The following MYO1D variants were observed in gnomAD, a reference collection of about 807,000 sequenced individuals.
MYO1D encodes unconventional myosin-Id.
A neutral mutation model predicts 122.0 loss-of-function variants in MYO1D; 83 were observed. The observed-to-expected ratio is 0.68, with a 90% CI of 0.57 to 0.82. The LOEUF is 0.82. Ranked by LOEUF, MYO1D falls within the 40% of genes least tolerant of loss-of-function variation. The probability of loss-of-function intolerance (pLI) is 0.00; values close to 1 mark genes in which losing one functional copy is unlikely to be tolerated. For missense variants in MYO1D, 1,157 were observed against 1,269.5 expected, an observed-to-expected ratio of 0.91 and a Z score of 1.35; for synonymous variants, 464 against 446.9, an observed-to-expected ratio of 1.04 and a Z score of -0.48.
intron 1 of MYO1D, among the ~76,000 whole-genome samples, chr17:32,797,974 T>C (rs564364709): frequency 6.6e-6 from 1 of 152,244 alleles, no homozygotes; most frequent in South Asian, 2.1e-4. Flanking sequence ...GTTGACATCA[T>C]GTGCCCAGTT....
At chr17:32,706,987 C>T (rs973784666) in intron 16 of MYO1D, among the ~76,000 whole-genome samples, 10 of 152,058 alleles carry the variant, frequency 6.6e-5, no homozygotes, top group Admixed American at 2.0e-4. Context: ...TGAGCCACTG[C>T]GCCCAGCCTC....
intron 21 of MYO1D, among the ~76,000 whole-genome samples, chr17:32,531,744 G>A (rs1384835385): frequency 1.3e-5 from 2 of 152,198 alleles, no homozygotes; most frequent in Non-Finnish European, 2.9e-5. Flanking sequence ...TTCAGTGAAG[G>A]CTTGGCTAGA....
chr17:32,686,849 AGAGT>A (rs1043849527), intron 16 of MYO1D, among the ~76,000 whole-genome samples: 3 of 151,956 alleles, frequency 2.0e-5, no homozygotes, highest in African/African-American at 7.3e-5. Context: ...CTGGGTGATA[AGAGT>A]GAGACCCTGT....
At chr17:32,654,430 TA>T (rs754354319) in intron 18 of MYO1D, 46 bp downstream of exon 18, 34 of 1,541,420 alleles carry the variant, frequency 2.2e-5, no homozygotes, top group Non-Finnish European at 1.8e-6. Context: ...TTCTCTTTTT[TA>T]GTAGAGGAAG....
intron 19 of MYO1D, among the ~76,000 whole-genome samples, chr17:32,647,745 G>GCTATC (rs2088317430): frequency 7.3e-6 from 1 of 136,090 alleles, no homozygotes; most frequent in East Asian, 2.2e-4. Context: ...GTCTTTTCTT[G>GCTATC]ATAGTCTGAT....
chr17:32,584,257 A>T (rs532601121), intron 21 of MYO1D, among the ~76,000 whole-genome samples: 1 of 152,272 alleles, frequency 6.6e-6, no homozygotes, highest in African/African-American at 2.4e-5. Flanking sequence ...CAAACTTATT[A>T]TACATGATAC....
intron 21 of MYO1D, among the ~76,000 whole-genome samples, chr17:32,559,984 T>G (rs541278052): frequency 6.6e-6 from 1 of 152,202 alleles, no homozygotes; most frequent in South Asian, 2.1e-4. Flanking sequence ...GTGCCAGGTG[T>G]GGTGGCTCAC....
chr17:32,540,767 A>C (rs1910814198), intron 21 of MYO1D, among the ~76,000 whole-genome samples: 1 of 151,858 alleles, frequency 6.6e-6, no homozygotes, highest in Non-Finnish European at 1.5e-5. Flanking sequence ...CTCTACTAAA[A>C]ATACAAAAAT....
intron 21 of MYO1D, among the ~76,000 whole-genome samples, chr17:32,583,742 CTTTG>C (rs1567898162): frequency 6.7e-6 from 1 of 150,038 alleles, no homozygotes; most frequent in African/African-American, 2.4e-5. Flanking sequence ...TTTGTTTGTT[CTTTG>C]TTTTTTTTTT....
chr17:32,527,279 C>T (rs886785183), intron 21 of MYO1D, among the ~76,000 whole-genome samples: 2 of 152,188 alleles, frequency 1.3e-5, no homozygotes, highest in Admixed American at 6.5e-5. Context: ...CCTGGCGCTG[C>T]CAAACCCACC....
In MYO1D at chr17:32,736,061, C is replaced by CT. The variant is rs76959378; in HGVS notation, c.1746+2191dup. The stretch of plus-strand genomic sequence containing the variant: ...ATATTATTTTGTTCTAAATGCAACT[C>CT]TTTTTTTTTTTTTCTGCTGTCCTCT... On this transcript the variant is annotated intron_variant, in intron 14 of 21. Transcript: ENST00000318217. Among the ~76,000 whole-genome samples the CT allele has an allele frequency of 8.3e-3, 1,174 of 142,180 alleles. 8 individuals carry two copies. Among genetic ancestry groups the CT allele is most frequent in the Middle Eastern group, 0.033 (9 of 274 alleles). The allele number at this position is 142,180 out of a possible 152,430, so 93.3% of individuals were successfully genotyped here.
At chr17:32,793,430 T>A (rs1167143540) in intron 1 of MYO1D, among the ~76,000 whole-genome samples, 2 of 152,032 alleles carry the variant, frequency 1.3e-5, no homozygotes, top group Admixed American at 1.3e-4. Context: ...TCATGGAAGC[T>A]TAGAGAAGGA....
intron 14 of MYO1D, among the ~76,000 whole-genome samples, chr17:32,737,282 G>GA (rs2089714809): frequency 6.6e-6 from 1 of 151,204 alleles, no homozygotes; most frequent in African/African-American, 2.4e-5. Flanking sequence ...TTCTTTAAGG[G>GA]AAAAAACAGA....
intron 1 of MYO1D, among the ~76,000 whole-genome samples, chr17:32,795,414 T>A (rs2090404289): frequency 7.6e-6 from 1 of 131,984 alleles, no homozygotes; most frequent in African/African-American, 3.4e-5. Flanking sequence ...TCTATTTAAA[T>A]TTTTTTTTTT....
intron 3 of MYO1D, among the ~76,000 whole-genome samples, chr17:32,778,211 G>A (rs1175412690): frequency 6.6e-6 from 1 of 152,180 alleles, no homozygotes; most frequent in Non-Finnish European, 1.5e-5. Context: ...CTGTTTCAGA[G>A]TAATGATTCT....
In MYO1D at chr17:32,764,905, G is replaced by A. The variant is rs749952966; in HGVS notation, c.1008C>T (p.Ala336=). 69 of 1,614,064 alleles carry A rather than the reference G, an allele frequency of 4.3e-5. No homozygotes were observed. The Middle Eastern group carries it at 6.6e-4, about 15-fold the overall frequency. The change falls in exon 8 of 22, where the codon GCC becomes GCT. Residue 336 remains alanine, a synonymous_variant. Coordinates refer to ENST00000318217, the MANE Select transcript of MYO1D (RefSeq NM_015194.3). ...TGGCAAAGGCGTCTCTGCCGTAGCTGGCCTCTTGTTCTGTGTGCTGCTTGT... is the reference window on the plus strand; with the variant it reads ...TGGCAAAGGCGTCTCTGCCGTAGCTAGCCTCTTGTTCTGTGTGCTGCTTGT... ...IIDKQHTEQE[A]SYGRDAFAKA...
At chr17:32,577,885 C>T (rs2087293635) in intron 21 of MYO1D, among the ~76,000 whole-genome samples, 1 of 152,094 alleles carries the variant, frequency 6.6e-6, no homozygotes, top group African/African-American at 2.4e-5. Context: ...ACTACAGGCA[C>T]CCGCCACCAC....
chr17:32,850,730 ATAAGGACATACCAAGTTT>A (rs1398012839), intron 1 of MYO1D, among the ~76,000 whole-genome samples: 1 of 152,108 alleles, frequency 6.6e-6, no homozygotes, highest in Non-Finnish European at 1.5e-5. Flanking sequence ...GATACACCAT[ATAAGGACATACCAAGTTT>A]TCTAAAATTT....
rs1178437108 is a variant in MYO1D at position 32,558,759 on chromosome 17, G to GTA, written c.2864+46326_2864+46327dup. Among the ~76,000 whole-genome samples, 4 of 152,296 alleles carry GTA rather than the reference G, an allele frequency of 2.6e-5. No homozygotes were observed. In the East Asian group the frequency reaches 5.8e-4, roughly 22 times the overall value. ...ACTTCCTCTGCTTTGAATAATACCA[G>GTA]TACCCTACATCTGACAGGGAGTATA... is the stretch of plus-strand genomic sequence containing the variant. On this transcript the variant is annotated intron_variant, in intron 21 of 21. Transcript: ENST00000318217.
Sources: gnomAD v4.1 joint callset for allele counts (sites outside exome capture counted in the v4.1 genomes callset) on GRCh38, gnomAD v4.1.1 for gene constraint, MANE v1.5 for transcripts, NCBI Gene and HGNC (gene_info 2026-07-23, HGNC 2026-07-21) for gene names.